The following GALNT16 variants were observed in gnomAD, a reference collection of about 807,000 sequenced individuals.
The protein encoded by GALNT16 is UDP-GalNAc:polypeptide N-acetylgalactosaminyltransferase-like protein 1.
GALNT16 carries 40 observed loss-of-function variants against 76.1 expected under a neutral mutation model. The observed-to-expected ratio is 0.53, with a 90% confidence interval of 0.41 to 0.68. The LOEUF is 0.68. GALNT16 is among the 30% of genes least tolerant of loss of function. GALNT16 has a pLI of 0.00. For synonymous variants in GALNT16, 276 were observed against 285.2 expected (o/e 0.97, Z 0.32); for missense variants, 621 against 731.9 (o/e 0.85, Z 1.75).
In GALNT16 at chr14:69,331,528, C is replaced by T; in HGVS notation, c.755C>T (p.Ala252Val). The stretch of plus-strand genomic sequence containing the variant: ...AGTCTGGATAATTTTGCCTACCTTG[C>T]AGCATCTGCTGACCTTCGTGGAGGT... ...VISLDNFAYL[A>V]ASADLRGGFD... Residue 252 changes from alanine (A) to valine (V), a missense_variant, in exon 7 of 15, where the codon GCA becomes GTA. Transcript: ENST00000448469. 1 of 1,605,772 alleles carries T rather than the reference C, an allele frequency of 6.2e-7. No individual in the cohort carries two copies. The highest frequency in any genetic ancestry group is 8.5e-7 in the Non-Finnish European group (1 of 1,172,328).
the GALNT16 span, among the ~76,000 whole-genome samples, chr14:69,385,194 T>C: frequency 6.6e-6 from 1 of 152,180 alleles, no homozygotes; most frequent in Non-Finnish European, 1.5e-5. Context: ...TCCTCACCTG[T>C]AACCATCCAG....
At chr14:69,325,203 A>G in intron 3 of GALNT16, 134 bp from the exon 4 acceptor site, 1 of 683,624 alleles carries the variant, frequency 1.5e-6, no homozygotes, top group African/African-American at 1.8e-5. Flanking sequence ...AGACAAGAAT[A>G]GGATTCAGGT....
the GALNT16 span, among the ~76,000 whole-genome samples, chr14:69,375,234 T>C: frequency 6.6e-6 from 1 of 152,220 alleles, no homozygotes; most frequent in Non-Finnish European, 1.5e-5. Context: ...GCTTAGTGTT[T>C]GCATGACATA....
intron 2 of GALNT16, among the ~76,000 whole-genome samples, chr14:69,324,066 G>A (rs1046432507): frequency 3.3e-5 from 5 of 152,080 alleles, no homozygotes; most frequent in Non-Finnish European, 4.4e-5. Flanking sequence ...GCTGGGGAGG[G>A]AGGAAGTGAC....
At chr14:69,281,984 AG>A (rs1327784658) in intron 1 of GALNT16, among the ~76,000 whole-genome samples, 1 of 152,220 alleles carries the variant, frequency 6.6e-6, no homozygotes, top group Non-Finnish European at 1.5e-5. Context: ...TCAAAGACTA[AG>A]TGTTAGGATT....
At position 69,333,582 on chromosome 14, in the gene GALNT16, TGG is replaced by T; in HGVS notation, c.955_956del (p.Gly319ArgfsTer4). The T allele has an allele frequency of 4.4e-6, 7 of 1,573,290 alleles. No individual in the cohort carries two copies. Among genetic ancestry groups the T allele is most frequent in the Non-Finnish European group, 6.1e-6 (7 of 1,147,710 alleles). On this transcript the variant is annotated frameshift_variant, in exon 9 of 15. Transcript: ENST00000448469. LOFTEE classifies it high-confidence loss of function. The surrounding 1 kb of genome is among the most constrained non-coding windows in gnomAD (Gnocchi z 4.2). The part of the protein sequence containing the change: ...LGKYDAQMDI[W>X]GGENFELSFR... ...AAAGTATGATGCCCAGATGGACATC[TGG>T]GGGGGAGAGAATTTTGGTGAGTTGG...
At chr14:69,263,628 T>C (rs1439844210) in intron 1 of GALNT16, among the ~76,000 whole-genome samples, 1 of 152,246 alleles carries the variant, frequency 6.6e-6, no homozygotes, top group Non-Finnish European at 1.5e-5. Flanking sequence ...TCACAATGTC[T>C]GGACTATTTG....
At chr14:69,338,820 C>T in intron 10 of GALNT16, 43 bp downstream of exon 10, 1 of 1,510,160 alleles carries the variant, frequency 6.6e-7, no homozygotes, top group East Asian at 2.3e-5. Flanking sequence ...AGGAGGACAC[C>T]AAGGCCCAAG....
chr14:69,292,504 C>T (rs1215957058), intron 1 of GALNT16, among the ~76,000 whole-genome samples: 1 of 152,222 alleles, frequency 6.6e-6, no homozygotes, highest in Non-Finnish European at 1.5e-5. Flanking sequence ...TGCTCCTGAG[C>T]GCATCTCCGT....
intron 6 of GALNT16, 83 bp downstream of exon 6, chr14:69,328,654 T>A: frequency 6.9e-7 from 1 of 1,440,452 alleles, no homozygotes; most frequent in Non-Finnish European, 9.4e-7. Context: ...GGGACAGTAT[T>A]TGAAGCTGGG....
chr14:69,368,379 A>T, the GALNT16 span, among the ~76,000 whole-genome samples: 2 of 152,138 alleles, frequency 1.3e-5, no homozygotes, highest in Non-Finnish European at 2.9e-5. Context: ...TCAGTGTGTC[A>T]AGCCAGGGCT....
At chr14:69,262,905 A>C (rs1258225337) in intron 1 of GALNT16, among the ~76,000 whole-genome samples, 1 of 145,886 alleles carries the variant, frequency 6.9e-6, no homozygotes, top group African/African-American at 2.6e-5. Flanking sequence ...TTTGAGATGG[A>C]GTCTCACTCT....
chr14:69,264,292 C>T (rs1398723483), intron 1 of GALNT16, among the ~76,000 whole-genome samples: 1 of 152,168 alleles, frequency 6.6e-6, no homozygotes, highest in Non-Finnish European at 1.5e-5. Context: ...TACTTAACAT[C>T]TCTGGACCTT....
intron 1 of GALNT16, among the ~76,000 whole-genome samples, chr14:69,289,281 C>G (rs112089150): frequency 6.6e-6 from 1 of 152,138 alleles, no homozygotes; most frequent in Non-Finnish European, 1.5e-5. Context: ...TTATGTAACA[C>G]TTGAACTTGT....
chr14:69,368,824 GGT>G, the GALNT16 span, among the ~76,000 whole-genome samples: 1 of 152,142 alleles, frequency 6.6e-6, no homozygotes, highest in Non-Finnish European at 1.5e-5. Flanking sequence ...TTTCTAAAGT[GGT>G]AAAACTCGAA....
intron 9 of GALNT16, among the ~76,000 whole-genome samples, chr14:69,337,594 A>G (rs1412443699): frequency 6.6e-6 from 1 of 152,190 alleles, no homozygotes; most frequent in Non-Finnish European, 1.5e-5. Flanking sequence ...CCAAACACAG[A>G]GCTCTGACCA....
At chr14:69,344,949 A>G (rs1391569706) in intron 12 of GALNT16, among the ~76,000 whole-genome samples, 1 of 152,184 alleles carries the variant, frequency 6.6e-6, no homozygotes, top group Non-Finnish European at 1.5e-5. Context: ...TCAAATTCTT[A>G]CAGTGGTCAG....
At chr14:69,269,274 G>A (rs1429035720) in intron 1 of GALNT16, among the ~76,000 whole-genome samples, 1 of 152,132 alleles carries the variant, frequency 6.6e-6, no homozygotes, top group Non-Finnish European at 1.5e-5. Flanking sequence ...TGTGTGTTGT[G>A]TGTGGTATGT....
intron 5 of GALNT16, among the ~76,000 whole-genome samples, chr14:69,326,865 A>G (rs569143676): frequency 1.3e-5 from 2 of 152,310 alleles, no homozygotes; most frequent in African/African-American, 4.8e-5. Context: ...TGAATAGAGC[A>G]GCCATGGCTC....
Sources: allele counts gnomAD v4.1 joint callset (sites outside exome capture counted in the v4.1 genomes callset), GRCh38; gene constraint gnomAD v4.1.1; non-coding constraint Gnocchi (gnomAD v3.1); transcripts MANE v1.5; gene names NCBI Gene and HGNC (gene_info 2026-07-23, HGNC 2026-07-21).